Variants in LPAR1 observed in about 807,000 individuals in gnomAD.
LPAR1 encodes LPA receptor 1.
In LPAR1, 5 loss-of-function variants were observed where a neutral mutation model predicts 23.8. The observed-to-expected ratio is 0.21, with a 90% CI of 0.11 to 0.44. The LOEUF (loss-of-function observed/expected upper bound fraction) is 0.44. Among genes scored for constraint, LPAR1 ranks in the 20% least tolerant of loss-of-function variants. The pLI is 0.99. For synonymous variants in LPAR1, 160 were observed against 164.7 expected (o/e 0.97, Z 0.22); for missense variants, 311 against 482.8 (o/e 0.64, Z 3.33).
chr9:110,893,734 G>A (rs781730153), intron 5 of LPAR1, among the ~76,000 whole-genome samples: 32 of 152,172 alleles, frequency 2.1e-4, no homozygotes, highest in Non-Finnish European at 4.0e-4. Flanking sequence ...GGACACAAAC[G>A]TGGTCTCAAT....
intron 2 of LPAR1, among the ~76,000 whole-genome samples, chr9:110,976,562 G>T (rs1475771029): frequency 6.6e-6 from 1 of 151,958 alleles, no homozygotes; most frequent in Non-Finnish European, 1.5e-5. Flanking sequence ...CTTCCAACCT[G>T]CCACCAACCT....
intron 4 of LPAR1, among the ~76,000 whole-genome samples, chr9:110,970,274 TAAG>T (rs989100368): frequency 6.6e-6 from 1 of 152,224 alleles, no homozygotes; most frequent in African/African-American, 2.4e-5. Context: ...ACGAAAGGAC[TAAG>T]AAGAGTCATT....
At chr9:110,956,199 G>A (rs1234144591) in intron 4 of LPAR1, among the ~76,000 whole-genome samples, 3 of 140,168 alleles carry the variant, frequency 2.1e-5, no homozygotes, top group African/African-American at 7.9e-5. Context: ...CGAACACATG[G>A]ACACCGGGAG....
intron 2 of LPAR1, among the ~76,000 whole-genome samples, chr9:110,979,558 T>A (rs2096626303): frequency 6.6e-6 from 1 of 152,150 alleles, no homozygotes; most frequent in African/African-American, 2.4e-5. Context: ...TCTGTCATCA[T>A]GAGTTGTGTT....
rs112300837 is a variant in LPAR1 at position 110,890,600 on chromosome 9, C to A, written c.794-14878G>T. On this transcript the variant is annotated intron_variant, in intron 5 of 5. Coordinates refer to ENST00000683809, the MANE Select transcript of LPAR1 (RefSeq NM_001351411.2). ...GAATTCCAGGGTCCTTAGCACCCTG[C>A]CCATTGTGGCCAGCAAAAACTACTC... 8.6e-3 allele frequency among the ~76,000 whole-genome samples: 1,317 copies of A among 152,312 alleles called. 19 individuals are homozygous for A. Among genetic ancestry groups the A allele is most frequent in the African/African-American group, 0.03 (1,246 of 41,560 alleles).
chr9:110,927,202 C>T (rs2094107244), intron 5 of LPAR1, among the ~76,000 whole-genome samples: 1 of 151,244 alleles, frequency 6.6e-6, no homozygotes, highest in African/African-American at 2.4e-5. Context: ...TTTGCAACTA[C>T]ACTACATCAC....
intron 5 of LPAR1, among the ~76,000 whole-genome samples, chr9:110,890,306 A>ACC (rs2083708100): frequency 6.6e-6 from 1 of 151,902 alleles, no homozygotes. Context: ...AAGTTCCTTC[A>ACC]CCCCCCTCAA....
intron 2 of LPAR1, among the ~76,000 whole-genome samples, chr9:110,973,910 C>A (rs1402991096): frequency 6.6e-6 from 1 of 152,174 alleles, no homozygotes; most frequent in African/African-American, 2.4e-5. Flanking sequence ...GCAGCTCAGG[C>A]CTGTAATCTC....
intron 2 of LPAR1, among the ~76,000 whole-genome samples, chr9:111,021,516 A>T (rs12345138): frequency 0.57 from 87,058 of 151,996 alleles, 25,161 homozygotes; most frequent in East Asian, 0.65. Flanking sequence ...AAAATGTGGA[A>T]TATATATAAC....
intron 5 of LPAR1, among the ~76,000 whole-genome samples, chr9:110,934,994 TA>T (rs1370668506): frequency 6.6e-6 from 1 of 152,208 alleles, no homozygotes; most frequent in Non-Finnish European, 1.5e-5. Context: ...GCTAATAATG[TA>T]CAAGCGATTC....
At chr9:111,015,781 T>A (rs12340040) in intron 2 of LPAR1, among the ~76,000 whole-genome samples, 2,968 of 152,024 alleles carry the variant, frequency 0.02, 94 homozygotes, top group African/African-American at 0.068. Flanking sequence ...TAACTTTTTT[T>A]AAAAAGCTAT....
chr9:110,990,711 T>C (rs973639720), intron 2 of LPAR1, among the ~76,000 whole-genome samples: 1 of 151,936 alleles, frequency 6.6e-6, no homozygotes, highest in Non-Finnish European at 1.5e-5. Flanking sequence ...ATAATTTAAT[T>C]AAAATCAAAG....
chr9:111,032,573 C>A (rs1232733859), intron 2 of LPAR1, among the ~76,000 whole-genome samples: 3 of 152,156 alleles, frequency 2.0e-5, no homozygotes, highest in Non-Finnish European at 4.4e-5. Context: ...GCCCCTGAAC[C>A]ATTTCTCCCT....
chr9:110,987,280 T>G (rs2096802448), intron 2 of LPAR1, among the ~76,000 whole-genome samples: 1 of 151,536 alleles, frequency 6.6e-6, no homozygotes. Context: ...TCAACTATTA[T>G]ATATCTATTC....
intron 5 of LPAR1, among the ~76,000 whole-genome samples, chr9:110,889,433 G>A (rs1392254773): frequency 6.6e-6 from 1 of 152,050 alleles, no homozygotes; most frequent in Non-Finnish European, 1.5e-5. Flanking sequence ...AAGAATAGGT[G>A]CATATACTCA....
chr9:111,001,300 G>C (rs1009575030), intron 2 of LPAR1, among the ~76,000 whole-genome samples: 7 of 152,162 alleles, frequency 4.6e-5, no homozygotes, highest in African/African-American at 1.7e-4. Flanking sequence ...TAAATTTCCA[G>C]TGAAATGCTA....
intron 2 of LPAR1, among the ~76,000 whole-genome samples, chr9:111,011,834 T>A (rs2097337021): frequency 6.6e-6 from 1 of 152,174 alleles, no homozygotes; most frequent in Non-Finnish European, 1.5e-5. Flanking sequence ...GATAAAACAG[T>A]CATTTCAAAT....
At chr9:110,961,408 G>T (rs1459899844) in intron 4 of LPAR1, among the ~76,000 whole-genome samples, 2 of 151,706 alleles carry the variant, frequency 1.3e-5, no homozygotes, top group Non-Finnish European at 2.9e-5. Context: ...ATCACCTGAG[G>T]TCAGGAGTTC....
Position 110,976,508 on chromosome 9 carries a change from C to A in LPAR1, c.-181-2950G>T, listed in dbSNP as rs183615596. ...CAACAGAGTGAGACTAAGAAATACA[C>A]CCCTCTGAACTCTTCCAAGTACTTG... On this transcript the variant is annotated intron_variant, in intron 2 of 5. Coordinates refer to ENST00000683809, the MANE Select transcript of LPAR1 (RefSeq NM_001351411.2). Among the ~76,000 whole-genome samples, 70 of 152,068 alleles carry A rather than the reference C, an allele frequency of 4.6e-4. No individual in the cohort carries two copies. In the South Asian group the frequency reaches 5.0e-3, roughly 11 times the overall value.
Sources: allele counts gnomAD v4.1 joint callset (sites outside exome capture counted in the v4.1 genomes callset), GRCh38; gene constraint gnomAD v4.1.1; transcripts MANE v1.5; gene names NCBI Gene and HGNC (gene_info 2026-07-23, HGNC 2026-07-21).